The following ASH1L variants were observed in gnomAD, a reference collection of about 807,000 sequenced individuals.
The protein encoded by ASH1L is histone-lysine N-methyltransferase ASH1L.
ASH1L carries 23 observed loss-of-function variants against 269.0 expected under a neutral mutation model. The ratio of observed to expected loss-of-function variants is 0.09; its 90% CI spans 0.06 to 0.12. ASH1L has a LOEUF of 0.12. Ranked by LOEUF, ASH1L falls within the 10% of genes least tolerant of loss-of-function variation. The pLI is 1.00. For missense variants in ASH1L, 2,912 were observed against 3,567.8 expected, an observed-to-expected ratio of 0.82 and a Z score of 4.68; for synonymous variants, 1,187 against 1,253.5, an observed-to-expected ratio of 0.95 and a Z score of 1.12.
rs72704175 is a variant in ASH1L at position 155,450,912 on chromosome 1, C to A, written c.5086+8885G>T. 3.6e-4 allele frequency among the ~76,000 whole-genome samples: 54 copies of A among 151,998 alleles called. No individual in the cohort carries two copies. In the South Asian group the frequency reaches 3.7e-3, roughly 11 times the overall value. ...TGACACATGCTAAAAAATGGATAAACCCTGTCTGGGTGCAGTGGCTCACAC... is the reference window on the plus strand; with the variant it reads ...TGACACATGCTAAAAAATGGATAAAACCTGTCTGGGTGCAGTGGCTCACAC... On this transcript the variant is annotated intron_variant, in intron 4 of 27. Coordinates refer to ENST00000392403, the MANE Select transcript of ASH1L (RefSeq NM_018489.3).
intron 17 of ASH1L, among the ~76,000 whole-genome samples, chr1:155,350,118 C>T (rs1037478412): frequency 6.6e-5 from 10 of 151,564 alleles, no homozygotes; most frequent in South Asian, 4.2e-4. Context: ...CTCGATCTGA[C>T]CTCGTGATCT....
At chr1:155,377,947 C>A (rs182418189) in intron 10 of ASH1L, among the ~76,000 whole-genome samples, 6 of 151,382 alleles carry the variant, frequency 4.0e-5, no homozygotes, top group Admixed American at 3.3e-4. Flanking sequence ...GGTGTGAACC[C>A]GGGAGGCGGA....
chr1:155,352,297 C>CAAAAAAAAAAA (rs1281473342), intron 17 of ASH1L, among the ~76,000 whole-genome samples: 2 of 28,116 alleles, frequency 7.1e-5, no homozygotes, highest in Admixed American at 3.7e-4. Context: ...ACCTCCATCT[C>CAAAAAAAAAAA]AAAAAAAAAA....
chr1:155,403,535 C>G (rs977078570), intron 6 of ASH1L, among the ~76,000 whole-genome samples: 3 of 152,248 alleles, frequency 2.0e-5, no homozygotes, highest in South Asian at 2.1e-4. Context: ...TGTTCTCTCA[C>G]AAGGTTCTTG....
intron 1 of ASH1L, among the ~76,000 whole-genome samples, chr1:155,550,177 C>T (rs561745615): frequency 2.0e-5 from 3 of 152,186 alleles, no homozygotes; most frequent in Non-Finnish European, 4.4e-5. Flanking sequence ...TGCACCACCA[C>T]GCCCAGCTAA....
chr1:155,560,760 T>A (rs543254183), intron 1 of ASH1L, among the ~76,000 whole-genome samples: 1 of 152,360 alleles, frequency 6.6e-6, no homozygotes, highest in East Asian at 1.9e-4. Context: ...TGGTACAAGT[T>A]AAGCTGTGAA....
intron 3 of ASH1L, among the ~76,000 whole-genome samples, chr1:155,471,436 T>C (rs952605813): frequency 5.3e-5 from 8 of 152,048 alleles, no homozygotes; most frequent in African/African-American, 1.9e-4. Flanking sequence ...GAACTGAAAA[T>C]TGAATTAAAA....
rs1426506387 is a variant in ASH1L at position 155,481,204 on chromosome 1, G to A, written c.1666C>T (p.Pro556Ser). The A allele has an allele frequency of 1.2e-6, 2 of 1,613,908 alleles. No individual in the cohort carries two copies. Among genetic ancestry groups the A allele is most frequent in the African/African-American group, 2.7e-5 (2 of 74,904 alleles). ...ACAGATACAGTAGGTGATGGGGAAG[G>A]GAGATTGCTTTCTCCTACTGCACTG... ...PFSAVGESNL[P>S]SPSPTVSVNP... is the part of the protein sequence containing the mutation. The change falls in exon 3 of 28, where the codon CCT (proline) becomes TCT (serine). Residue 556 changes from proline (P) to serine (S), a missense_variant. Pro to Ser is a moderately conservative substitution (Grantham distance 74). Coordinates refer to ENST00000392403, the MANE Select transcript of ASH1L (RefSeq NM_018489.3).
chr1:155,523,912 A>G (rs1266560423), intron 1 of ASH1L, among the ~76,000 whole-genome samples: 1 of 152,196 alleles, frequency 6.6e-6, no homozygotes, highest in Non-Finnish European at 1.5e-5. Flanking sequence ...AGCAGTGTTT[A>G]TAAGTACTCA....
intron 25 of ASH1L, 96 bp from the exon 26 acceptor site, chr1:155,339,464 G>A (rs1287422889): frequency 6.7e-6 from 7 of 1,050,916 alleles, no homozygotes; most frequent in Non-Finnish European, 7.1e-6. Flanking sequence ...CAGTAGGGCA[G>A]TAGACAAGTT....
chr1:155,466,050 T>A (rs1478573520), intron 3 of ASH1L, among the ~76,000 whole-genome samples: 1 of 152,146 alleles, frequency 6.6e-6, no homozygotes, highest in African/African-American at 2.4e-5. Flanking sequence ...TTCTGGCGAT[T>A]TTTAAGCTAT....
Position 155,480,555 on chromosome 1 carries a change from T to C in ASH1L, c.2315A>G (p.His772Arg), listed in dbSNP as rs1665878842. ...KNIGPPSFVDHDFLKRRLPKL... is the reference protein window; with the variant it reads ...KNIGPPSFVDRDFLKRRLPKL... Reference sequence around the variant, plus strand: ...TGGCAATCGGCGTTTAAGGAAGTCATGATCTACAAATGAAGGGGGTCCAAT... The same window carrying C: ...TGGCAATCGGCGTTTAAGGAAGTCACGATCTACAAATGAAGGGGGTCCAAT... Residue 772 changes from histidine (H) to arginine (R), a missense_variant, in exon 3 of 28, where the codon CAT becomes CGT. Physicochemically the swap from His to Arg is conservative, Grantham distance 29. This residue lies in a region of ASH1L where 715 missense variants were observed against 721.0 expected (regional missense o/e 0.99). Coordinates refer to ENST00000392403, the MANE Select transcript of ASH1L (RefSeq NM_018489.3). 8.1e-6 allele frequency: 13 copies of C among 1,614,174 alleles called. No homozygotes were observed. Among genetic ancestry groups the C allele is most frequent in the Non-Finnish European group, 1.0e-5 (12 of 1,179,998 alleles).
chr1:155,528,411 T>C (rs185370701), intron 1 of ASH1L, among the ~76,000 whole-genome samples: 33 of 152,156 alleles, frequency 2.2e-4, no homozygotes, highest in Admixed American at 5.9e-4. Context: ...TGATGATAAA[T>C]ATGTGAATGG....
At chr1:155,543,390 C>A (rs192992883) in intron 1 of ASH1L, among the ~76,000 whole-genome samples, 8 of 150,680 alleles carry the variant, frequency 5.3e-5, no homozygotes, top group Non-Finnish European at 7.4e-5. Context: ...AGGTGCCTGT[C>A]GTCCCAGCTA....
intron 21 of ASH1L, among the ~76,000 whole-genome samples, chr1:155,345,567 CCAGCTTT>C (rs1653218924): frequency 6.7e-6 from 1 of 148,332 alleles, no homozygotes; most frequent in Non-Finnish European, 1.5e-5. Context: ...GCCACCATGC[CCAGCTTT>C]TTTTTTTTTT....
At chr1:155,376,208 A>G (rs193268019) in intron 10 of ASH1L, among the ~76,000 whole-genome samples, 123 of 152,366 alleles carry the variant, frequency 8.1e-4, no homozygotes, top group Non-Finnish European at 1.4e-3. Context: ...CACTATGTGA[A>G]CCTGTATGTA....
intron 10 of ASH1L, among the ~76,000 whole-genome samples, chr1:155,372,748 A>T (rs374522386): frequency 2.0e-5 from 3 of 152,174 alleles, no homozygotes; most frequent in East Asian, 3.9e-4. Flanking sequence ...AGTAGGTGGG[A>T]TTACAGGCAT....
intron 5 of ASH1L, among the ~76,000 whole-genome samples, chr1:155,437,077 AC>A (rs1386246891): frequency 5.9e-5 from 9 of 152,194 alleles, no homozygotes; most frequent in African/African-American, 2.2e-4. Flanking sequence ...GGTTTTGATT[AC>A]CATAGCTTTA....
chr1:155,402,552 C>A (rs1364011521), intron 6 of ASH1L, among the ~76,000 whole-genome samples: 1 of 152,038 alleles, frequency 6.6e-6, no homozygotes, highest in Non-Finnish European at 1.5e-5. Context: ...TGTTTTACTG[C>A]TTTGTTTTGT....
Sources: gnomAD v4.1 joint callset for allele counts (sites outside exome capture counted in the v4.1 genomes callset) on GRCh38, gnomAD v4.1.1 for gene constraint, gnomAD v4.1.1 regional missense constraint, MANE v1.5 for transcripts, NCBI Gene and HGNC (gene_info 2026-07-23, HGNC 2026-07-21) for gene names.